MID1: variants seen among roughly 807,000 people sequenced by gnomAD.
The protein encoded by MID1 is midline 1.
Under a neutral mutation model 40.4 loss-of-function variants are expected in MID1, and 7 were observed. The ratio of observed to expected loss-of-function variants is 0.17; its 90% confidence interval spans 0.10 to 0.33. MID1 has a LOEUF of 0.33. Ranked by LOEUF, MID1 falls within the 10% of genes least tolerant of loss-of-function variation. The probability of loss-of-function intolerance (pLI) is 1.00; values close to 1 mark genes in which losing one functional copy is unlikely to be tolerated. For synonymous variants in MID1, 229 were observed against 221.2 expected (o/e 1.04, Z -0.31); for missense variants, 367 against 558.5 (o/e 0.66, Z 3.46).
In MID1 at chrX:10,548,123, AT is replaced by A. The variant is rs1933768939; in HGVS notation, c.660+18764del. ...AACTGTTGTTATTATGCATATTTTA[AT>A]TAGTATGGGAAGCCCTCATAAATTA... On this transcript the variant is annotated intron_variant, in intron 2 of 9. Transcript: ENST00000317552. 4.5e-5 allele frequency among the ~76,000 whole-genome samples: 5 copies of A among 112,071 alleles called. No individual in the cohort carries two copies. In the South Asian group the frequency reaches 1.9e-3, roughly 42 times the overall value.
chrX:10,727,613 G>C (rs746507194), intron 1 of MID1, among the ~76,000 whole-genome samples: 3 of 111,820 alleles, frequency 2.7e-5, no homozygotes, highest in Non-Finnish European at 5.6e-5. Context: ...TGTGGTCCCT[G>C]AACCAGCAGT....
intron 1 of MID1, among the ~76,000 whole-genome samples, chrX:10,607,516 G>A (rs901520700): frequency 8.0e-5 from 9 of 112,230 alleles, no homozygotes; most frequent in Admixed American, 6.6e-4. Flanking sequence ...TAGACTGGAT[G>A]TTGGGGAACA....
intron 1 of MID1, among the ~76,000 whole-genome samples, chrX:10,728,431 T>C (rs921843994): frequency 2.2e-4 from 25 of 112,121 alleles, no homozygotes; most frequent in African/African-American, 6.5e-4. Flanking sequence ...AAATGTGTGC[T>C]CCTTTTCCCC....
chrX:10,718,781 C>T (rs1419807260), intron 1 of MID1, among the ~76,000 whole-genome samples: 19 of 111,519 alleles, frequency 1.7e-4, no homozygotes, highest in African/African-American at 5.9e-4. Context: ...TGATGAACAT[C>T]GATGCAAAAA....
At chrX:10,817,266 G>A (rs912203041) in intron 1 of MID1, among the ~76,000 whole-genome samples, 1 of 112,324 alleles carries the variant, frequency 8.9e-6, no homozygotes, top group Non-Finnish European at 1.9e-5. Context: ...GAAATGCTAA[G>A]TGTTTTCCTC....
chrX:10,685,600 G>A (rs2043089936), intron 1 of MID1, among the ~76,000 whole-genome samples: 2 of 111,305 alleles, frequency 1.8e-5, no homozygotes, highest in African/African-American at 6.5e-5. Flanking sequence ...GAAGAATCTA[G>A]ACAGACAGGC....
At chrX:10,746,529 G>A (rs1204492618) in intron 1 of MID1, among the ~76,000 whole-genome samples, 3 of 111,779 alleles carry the variant, frequency 2.7e-5, no homozygotes, top group Non-Finnish European at 5.6e-5. Context: ...ACATTCCTGA[G>A]TTTAGGAGTC....
chrX:10,666,754 G>A (rs2042953675), intron 1 of MID1, among the ~76,000 whole-genome samples: 2 of 111,938 alleles, frequency 1.8e-5, no homozygotes, highest in African/African-American at 6.5e-5. Context: ...AATCCAACCT[G>A]AAGAAGAGAA....
intron 1 of MID1, among the ~76,000 whole-genome samples, chrX:10,636,804 A>G (rs1208945411): frequency 3.4e-5 from 3 of 88,429 alleles, no homozygotes; most frequent in Non-Finnish European, 6.6e-5. Flanking sequence ...ATATATATAT[A>G]TATATATATA....
chrX:10,617,510 C>A (rs933202065), intron 1 of MID1, among the ~76,000 whole-genome samples: 6 of 112,252 alleles, frequency 5.3e-5, no homozygotes, highest in Admixed American at 9.4e-5. Context: ...TTTAGTAGAT[C>A]AGAAATACAT....
intron 3 of MID1, among the ~76,000 whole-genome samples, chrX:10,515,188 T>C (rs906569399): frequency 1.8e-5 from 2 of 112,468 alleles, no homozygotes; most frequent in African/African-American, 6.5e-5. Flanking sequence ...AAATGGTTCA[T>C]CTTTCTTTTT....
intron 2 of MID1, among the ~76,000 whole-genome samples, chrX:10,550,701 C>T (rs952239018): frequency 5.4e-5 from 6 of 111,884 alleles, no homozygotes; most frequent in African/African-American, 2.0e-4. Flanking sequence ...AGGGTATCTC[C>T]GCTTTGGCAC....
chrX:10,595,400 G>C (rs920862285), intron 1 of MID1, among the ~76,000 whole-genome samples: 4 of 111,518 alleles, frequency 3.6e-5, no homozygotes, highest in East Asian at 2.8e-4. Context: ...ATGAAATCCT[G>C]TCATTTTTGG....
At chrX:10,709,256 T>C (rs2043250272) in intron 1 of MID1, among the ~76,000 whole-genome samples, 1 of 112,388 alleles carries the variant, frequency 8.9e-6, no homozygotes, top group South Asian at 3.7e-4. Context: ...AATCATTAAG[T>C]GATTGGGCCA....
upstream of MID1, among the ~76,000 whole-genome samples, chrX:10,622,908 C>T (rs189804998): frequency 9.1e-6 from 1 of 109,992 alleles, no homozygotes; most frequent in East Asian, 2.8e-4. Flanking sequence ...AATAAATGGT[C>T]CTTTGGAGAA....
At chrX:10,713,684 C>A (rs2043283572) in intron 1 of MID1, among the ~76,000 whole-genome samples, 1 of 111,737 alleles carries the variant, frequency 8.9e-6, no homozygotes. Context: ...CCAAGACAAC[C>A]CTTTAACCTC....
intron 1 of MID1, among the ~76,000 whole-genome samples, chrX:10,694,227 A>G (rs953759191): frequency 1.8e-5 from 2 of 112,301 alleles, no homozygotes; most frequent in African/African-American, 3.2e-5. Context: ...TCTCACTTAT[A>G]TAAACAAACA....
intron 1 of MID1, among the ~76,000 whole-genome samples, chrX:10,604,898 T>C (rs1935596458): frequency 8.9e-6 from 1 of 112,847 alleles, no homozygotes; most frequent in Non-Finnish European, 1.9e-5. Flanking sequence ...TTTCAAAGAC[T>C]TATTCACAGA....
intron 4 of MID1, among the ~76,000 whole-genome samples, chrX:10,486,619 A>G (rs1328837458): frequency 8.9e-6 from 1 of 112,315 alleles, no homozygotes; most frequent in African/African-American, 3.2e-5. Flanking sequence ...CATGTGCCAA[A>G]GTACTAGCTC....
Sources: allele counts gnomAD v4.1 joint callset (sites outside exome capture counted in the v4.1 genomes callset), GRCh38; gene constraint gnomAD v4.1.1; transcripts MANE v1.5; gene names NCBI Gene and HGNC (gene_info 2026-07-23, HGNC 2026-07-21).